The following CYGB variants were observed in gnomAD, a reference collection of about 807,000 sequenced individuals.
The protein encoded by CYGB is histoglobin.
CYGB carries 13 observed loss-of-function variants against 20.7 expected under a neutral mutation model. The observed-to-expected ratio is 0.63, with a 90% confidence interval of 0.41 to 1.00. The LOEUF (loss-of-function observed/expected upper bound fraction) is 1.00. Among genes scored for constraint, CYGB ranks in the 50% least tolerant of loss-of-function variants. The pLI is 0.00. For synonymous variants in CYGB, 93 were observed against 107.4 expected (o/e 0.87, Z 0.83); for missense variants, 218 against 257.2 (o/e 0.85, Z 1.04).
intron 1 of CYGB, among the ~76,000 whole-genome samples, chr17:76,549,765 G>A (rs1048956804): frequency 3.9e-5 from 6 of 152,116 alleles, no homozygotes; most frequent in African/African-American, 1.4e-4. Context: ...TGCTGATGCC[G>A]ACGACATGGG....
intron 1 of CYGB, among the ~76,000 whole-genome samples, chr17:76,548,847 A>C (rs1458863534): frequency 6.6e-6 from 1 of 152,228 alleles, no homozygotes; most frequent in Non-Finnish European, 1.5e-5. Flanking sequence ...GACACTTGAC[A>C]ACAGGCAGCA....
intron 1 of CYGB, among the ~76,000 whole-genome samples, chr17:76,547,850 CACAGACAT>C (rs1415774262): frequency 7.6e-6 from 1 of 131,580 alleles, no homozygotes; most frequent in African/African-American, 3.7e-5. Context: ...TTCACACACA[CACAGACAT>C]ACACATATAC....
chr17:76,528,101 A>G lies in CYGB; in HGVS notation c.*477T>C. 2.5e-6 allele frequency: 1 copy of G among 401,606 alleles called. No homozygotes were observed. 24.9% of individuals were successfully genotyped at this position (401,606 alleles called of 1,614,324 possible). On this transcript the variant is annotated 3_prime_UTR_variant, in exon 4 of 4. Coordinates refer to ENST00000293230, the MANE Select transcript of CYGB (RefSeq NM_134268.5). The surrounding 1 kb of genome is among the most constrained non-coding windows in gnomAD (Gnocchi z 5.8). ...AGGCTTCTGGGCGCCGCGGATACAC[A>G]TTCTAGATATGTATGTGTGTATATA...
chr17:76,534,111 C>T (rs991102934), intron 1 of CYGB, among the ~76,000 whole-genome samples: 1 of 144,658 alleles, frequency 6.9e-6, no homozygotes, highest in Non-Finnish European at 1.5e-5. Context: ...TTCTTTCTTT[C>T]TTCTTTCTTT....
chr17:76,537,513 G>C lies in CYGB; in HGVS notation c.30C>G (p.Ile10Met). ...GCTCCTCGCTCCGCTCCCTGCGCTC[G>C]ATCTCCATCTCGCCTGGCACTTTCT... MEKVPGEME[I>M]ERRERSEELS... The change falls in exon 1 of 4, where the codon ATC becomes ATG. Residue 10 changes from isoleucine to methionine, a missense_variant. Ile to Met is a conservative substitution (Grantham distance 10). Around this residue, in one of 2 missense-constraint regions of CYGB, gnomAD observed 152 missense variants for 149.9 expected, o/e 1.01. Transcript: ENST00000293230. 1 of 1,574,442 alleles carries C rather than the reference G, an allele frequency of 6.4e-7. No individual in the cohort carries two copies. The highest frequency in any genetic ancestry group is 1.4e-5 in the African/African-American group (1 of 71,106).
At chr17:76,535,612 A>C (rs565606683) in intron 1 of CYGB, among the ~76,000 whole-genome samples, 1 of 152,246 alleles carries the variant, frequency 6.6e-6, no homozygotes, top group African/African-American at 2.4e-5. Flanking sequence ...CACTGAGTGC[A>C]TTGGTAATGA....
At position 76,531,205 on chromosome 17, in the gene CYGB, G is replaced by A; in HGVS notation, c.376-63C>T. On this transcript the variant is annotated intron_variant, in intron 2 of 3. Transcript: ENST00000293230. This position sits in a 1 kb window ranked among gnomAD's most constrained non-coding sequence, Gnocchi z 7.4. ...GCGCCCTGCGTCCTGCAACCCCCAG[G>A]CCCCTCCGCCCCACGTGTGGCCGAG... 9 of 1,516,458 alleles carry A rather than the reference G, an allele frequency of 5.9e-6. No individual in the cohort carries two copies. In the South Asian group the frequency reaches 1.1e-4, roughly 18 times the overall value. The allele number at this position is 1,516,458 out of a possible 1,614,324, so 93.9% of individuals were successfully genotyped here. A position where few individuals can be genotyped will look rare whatever the true frequency, so the allele number is the denominator to read the frequency against.
upstream of CYGB, chr17:76,542,687 G>A (rs1406909674): frequency 3.5e-6 from 4 of 1,150,334 alleles, no homozygotes; most frequent in African/African-American, 1.5e-5. Flanking sequence ...GGGACAGGCA[G>A]GAAGCAACAG....
intron 1 of CYGB, chr17:76,544,464 G>A (rs760790445): frequency 2.0e-5 from 9 of 455,342 alleles, no homozygotes; most frequent in Admixed American, 7.0e-5. Context: ...CTGGTACCTC[G>A]GGGAGCCTGG....
At chr17:76,536,184 C>T (rs368200033) in intron 1 of CYGB, among the ~76,000 whole-genome samples, 4 of 152,186 alleles carry the variant, frequency 2.6e-5, no homozygotes, top group Admixed American at 6.5e-5. Flanking sequence ...TCCTCAGGAG[C>T]GCTCCTCTAA....
upstream of CYGB, chr17:76,538,509 C>T (rs2074949912): frequency 2.1e-6 from 1 of 466,994 alleles, no homozygotes; most frequent in Non-Finnish European, 4.4e-6. Context: ...CACGGACAGG[C>T]AAGAACCAGC....
At chr17:76,537,302 A>T in intron 1 of CYGB, 98 bp downstream of exon 1, 1 of 1,310,984 alleles carries the variant, frequency 7.6e-7, no homozygotes, top group Non-Finnish European at 9.9e-7. Flanking sequence ...GCGGCTGGGG[A>T]GGTGGCGCTG....
upstream of CYGB, chr17:76,540,086 C>T (rs2074967812): frequency 1.3e-6 from 2 of 1,551,176 alleles, no homozygotes; most frequent in Non-Finnish European, 1.7e-6. This position sits in a 1 kb window ranked among gnomAD's most constrained non-coding sequence, Gnocchi z 5.0. Context: ...CCATTTTGGC[C>T]CCTCGCCTGT....
Position 76,531,726 on chromosome 17 carries a change from G to A in CYGB, c.144-35C>T, listed in dbSNP as rs1243719122. 5 of 1,552,138 alleles carry A rather than the reference G, an allele frequency of 3.2e-6. No individual in the cohort carries two copies. Among genetic ancestry groups the A allele is most frequent in the Middle Eastern group, 1.7e-4 (1 of 5,822 alleles). Reference sequence around the variant, plus strand: ...GGAACAGGGGTGGTCGCTGAAGCTGGAGGCTGCCTCGGGCCCACCCTGAAG... The same window carrying A: ...GGAACAGGGGTGGTCGCTGAAGCTGAAGGCTGCCTCGGGCCCACCCTGAAG... On this transcript the variant is annotated intron_variant, in intron 1 of 3. Transcript: ENST00000293230. This position sits in a 1 kb window ranked among gnomAD's most constrained non-coding sequence, Gnocchi z 7.4.
In CYGB at chr17:76,528,436, G is replaced by T. The variant is rs879232301; in HGVS notation, c.*142C>A. 2.6e-6 allele frequency: 2 copies of T among 778,688 alleles called. No individual in the cohort carries two copies. The highest frequency in any genetic ancestry group is 3.6e-6 in the Non-Finnish European group (2 of 562,926). The allele number at this position is 778,688 out of a possible 1,614,324, so 48.2% of individuals were successfully genotyped here. A position where few individuals can be genotyped will look rare whatever the true frequency, so the allele number is the denominator to read the frequency against. ...GCAGCTCCAGGGGGGGACCCTGGCC[G>T]CCACAGAGGCCTCCTTCGGGGAAGT... On this transcript the variant is annotated 3_prime_UTR_variant, in exon 4 of 4. Coordinates refer to ENST00000293230, the MANE Select transcript of CYGB (RefSeq NM_134268.5). This position sits in a 1 kb window ranked among gnomAD's most constrained non-coding sequence, Gnocchi z 5.8.
rs1454484447 is a variant in CYGB at position 76,546,434 on chromosome 17, TGTG to T, written c.-53+4425_-53+4427del. ...TACCCACCCATTCCAAGTGTGCGGT[TGTG>T]TGTGTGTGTGGTTTGTGTGTGTGTG... On this transcript the variant is annotated intron_variant, in intron 1 of 3. Coordinates refer to the CYGB transcript ENST00000589145. The surrounding 1 kb of genome is among the most constrained non-coding windows in gnomAD (Gnocchi z 4.5). 1 of 14,546 alleles carries T rather than the reference TGTG, an allele frequency of 6.9e-5. No individual in the cohort carries two copies. Among genetic ancestry groups the T allele is most frequent in the Non-Finnish European group, 3.8e-4 (1 of 2,642 alleles). 0.9% of individuals were successfully genotyped at this position (14,546 alleles called of 1,614,324 possible). A position where few individuals can be genotyped will look rare whatever the true frequency, so the allele number is the denominator to read the frequency against.
Position 76,533,901 on chromosome 17 carries a change from C to A in CYGB, c.144-2210G>T, listed in dbSNP as rs1012331923. Reference sequence around the variant, plus strand: ...AAAAAATTGGCTGGGTGTGGTGGTGCCCGTCTGTAGTCCTAGCTACTTGGG... The same window carrying A: ...AAAAAATTGGCTGGGTGTGGTGGTGACCGTCTGTAGTCCTAGCTACTTGGG... On this transcript the variant is annotated intron_variant, in intron 1 of 3. Transcript: ENST00000293230. This position sits in a 1 kb window ranked among gnomAD's most constrained non-coding sequence, Gnocchi z 4.5. Among the ~76,000 whole-genome samples the A allele has an allele frequency of 6.6e-6, 1 of 151,902 alleles. No homozygotes were observed. Among genetic ancestry groups the A allele is most frequent in the Non-Finnish European group, 1.5e-5 (1 of 68,000 alleles).
chr17:76,530,965 G>T lies in CYGB; in HGVS notation c.539+14C>A. The T allele has an allele frequency of 2.6e-6, 4 of 1,565,154 alleles. No individual in the cohort carries two copies. Among genetic ancestry groups the T allele is most frequent in the South Asian group, 1.2e-5 (1 of 86,004 alleles). On this transcript the variant is annotated intron_variant, in intron 3 of 3. Coordinates refer to ENST00000293230, the MANE Select transcript of CYGB (RefSeq NM_134268.5). This position sits in a 1 kb window ranked among gnomAD's most constrained non-coding sequence, Gnocchi z 6.1. ...CGGGGAGGCTGCCCAGCCCACCCTCGCCCGCCTCCTCACGTGGTGGCGTTG... is the reference window on the plus strand; with the variant it reads ...CGGGGAGGCTGCCCAGCCCACCCTCTCCCGCCTCCTCACGTGGTGGCGTTG...
chr17:76,537,463 A>G lies in CYGB; in HGVS notation c.80T>C (p.Val27Ala). The change falls in exon 1 of 4, where the codon GTG becomes GCG. Residue 27 changes from valine (V) to alanine (A), a missense_variant. Physicochemically the swap from Val to Ala is moderately conservative, Grantham distance 64. Transcript: ENST00000293230. ...EELSEAERKAVQAMWARLYAN... is the reference protein window; with the variant it reads ...EELSEAERKAAQAMWARLYAN... ...ATAGAGCCGGGCCCACATAGCCTGC[A>G]CCGCCTTCCTCTCCGCCTCGGACAG... 1 of 1,597,256 alleles carries G rather than the reference A, an allele frequency of 6.3e-7. No individual in the cohort carries two copies. The highest frequency in any genetic ancestry group is 1.1e-5 in the South Asian group (1 of 89,804).
Sources: gnomAD v4.1 joint callset for allele counts (sites outside exome capture counted in the v4.1 genomes callset) on GRCh38, gnomAD v4.1.1 for gene constraint, gnomAD v4.1.1 regional missense constraint, Gnocchi (gnomAD v3.1) non-coding constraint, MANE v1.5 for transcripts, NCBI Gene and HGNC (gene_info 2026-07-23, HGNC 2026-07-21) for gene names.